Variants in NHEJ1 observed in about 807,000 individuals in gnomAD.
NHEJ1 encodes non-homologous end-joining factor 1.
NHEJ1 carries 22 observed loss-of-function variants against 39.4 expected under a neutral mutation model. The ratio of observed to expected loss-of-function variants is 0.56; its 90% CI spans 0.40 to 0.80. The LOEUF is 0.80. Among genes scored for constraint, NHEJ1 ranks in the 30% least tolerant of loss-of-function variants. The pLI, the probability that NHEJ1 is intolerant of heterozygous loss-of-function variation, is 0.00. For synonymous variants in NHEJ1, 154 were observed against 135.6 expected, an observed-to-expected ratio of 1.14 and a Z score of -0.94; for missense variants, 329 against 357.1, an observed-to-expected ratio of 0.92 and a Z score of 0.63.
chr2:219,073,528 G>A lies in NHEJ1; in HGVS notation c.*2853C>T, dbSNP rs1948983660. Among the ~76,000 whole-genome samples, 1 of 152,222 alleles carries A rather than the reference G, an allele frequency of 6.6e-6. No homozygotes were observed. The highest frequency in any genetic ancestry group is 2.4e-5 in the African/African-American group (1 of 41,474). On this transcript the variant is annotated 3_prime_UTR_variant, in exon 8 of 8. Transcript: ENST00000356853. ...CCAAGCAGGGAGCATGCCTGTCCTA[G>A]CTAACTATGGGGGACCAGCCGGCAA... is the stretch of plus-strand genomic sequence containing the variant.
intron 6 of NHEJ1, among the ~76,000 whole-genome samples, chr2:219,077,624 C>G (rs1421562164): frequency 6.6e-6 from 1 of 152,028 alleles, no homozygotes; most frequent in Non-Finnish European, 1.5e-5. Context: ...TACATATTCC[C>G]TCACATGTCT....
intron 5 of NHEJ1, among the ~76,000 whole-genome samples, chr2:219,140,495 G>A (rs1030259618): frequency 5.3e-5 from 8 of 152,212 alleles, no homozygotes; most frequent in Non-Finnish European, 8.8e-5. Context: ...GGTAGCAGCA[G>A]AGGTGAGATT....
At chr2:219,080,668 T>TATATATATGCTAATATATATAAGC (rs1559185964) in intron 5 of NHEJ1, among the ~76,000 whole-genome samples, 384 of 16,274 alleles carry the variant, frequency 0.024, 13 homozygotes, top group African/African-American at 0.047. Context: ...TATATAAGCT[T>TATATATATGCTAATATATATAAGC]TTATATATGC....
At position 219,073,037 on chromosome 2, in the gene NHEJ1, G is replaced by C. The variant is rs1216631972; in HGVS notation, c.*3344C>G. Among the ~76,000 whole-genome samples, 1 of 152,158 alleles carries C rather than the reference G, an allele frequency of 6.6e-6. No homozygotes were observed. The highest frequency in any genetic ancestry group is 2.4e-5 in the African/African-American group (1 of 41,444). On this transcript the variant is annotated 3_prime_UTR_variant, in exon 8 of 8. Coordinates refer to ENST00000356853, the MANE Select transcript of NHEJ1 (RefSeq NM_024782.3). ...GAGGTCTAAGTGAAAAGGAAGGAAA[G>C]AAAAGGGAGTCCAAATGTACCGCTG...
rs779815231 is a variant in NHEJ1, at chr2:219,072,512, AG to A, written c.*3868del. 5.3e-5 allele frequency among the ~76,000 whole-genome samples: 8 copies of A among 152,252 alleles called. No homozygotes were observed. Among genetic ancestry groups the A allele is most frequent in the Non-Finnish European group, 7.3e-5 (5 of 68,044 alleles). On this transcript the variant is annotated 3_prime_UTR_variant, in exon 8 of 8. Coordinates refer to ENST00000356853, the MANE Select transcript of NHEJ1 (RefSeq NM_024782.3). ...CAGAAACTACTTCACAGTAGAGCTT[AG>A]AAAAACATATCCTGATTGTATCAAA...
At chr2:219,102,216 T>C (rs1051246441) in intron 5 of NHEJ1, among the ~76,000 whole-genome samples, 1 of 152,198 alleles carries the variant, frequency 6.6e-6, no homozygotes, top group African/African-American at 2.4e-5. Context: ...TATTTGACAC[T>C]GCCAAAAAAA....
chr2:219,109,010 A>G (rs1407331015), intron 5 of NHEJ1, among the ~76,000 whole-genome samples: 1 of 152,228 alleles, frequency 6.6e-6, no homozygotes, highest in Non-Finnish European at 1.5e-5. Context: ...TTCAGAACAA[A>G]GGATTGGGAC....
intron 3 of NHEJ1, among the ~76,000 whole-genome samples, chr2:219,154,318 T>C (rs1008854510): frequency 6.6e-6 from 1 of 152,202 alleles, no homozygotes; most frequent in African/African-American, 2.4e-5. Flanking sequence ...ATATATACAG[T>C]ATATACATAT....
chr2:219,099,730 G>A (rs189526633), intron 5 of NHEJ1, among the ~76,000 whole-genome samples: 2 of 152,286 alleles, frequency 1.3e-5, no homozygotes, highest in Non-Finnish European at 2.9e-5. Context: ...AACAGCCACC[G>A]TGTGAGAGTG....
chr2:219,119,388 T>C (rs903836985), intron 5 of NHEJ1, among the ~76,000 whole-genome samples: 2 of 152,202 alleles, frequency 1.3e-5, no homozygotes, highest in African/African-American at 4.8e-5. Context: ...TCTGGATTGC[T>C]GGGATCCCCC....
chr2:219,093,906 A>G (rs1431637065), intron 5 of NHEJ1, among the ~76,000 whole-genome samples: 2 of 152,214 alleles, frequency 1.3e-5, no homozygotes, highest in Non-Finnish European at 2.9e-5. Flanking sequence ...TGTGGAGGAA[A>G]TCTCCAGCCT....
chr2:219,156,992 C>A (rs747149373), intron 3 of NHEJ1, among the ~76,000 whole-genome samples: 4 of 152,222 alleles, frequency 2.6e-5, no homozygotes, highest in African/African-American at 4.8e-5. Context: ...ACTTACACAT[C>A]TCTACATCTC....
intron 5 of NHEJ1, among the ~76,000 whole-genome samples, chr2:219,139,841 G>A (rs1049748027): frequency 3.9e-5 from 6 of 152,046 alleles, no homozygotes; most frequent in Admixed American, 6.5e-5. Flanking sequence ...CACCACACCC[G>A]GCTAATTTTT....
chr2:219,152,762 C>T lies in NHEJ1; in HGVS notation c.390+4710G>A, dbSNP rs188836195. ...GACTACAGGCATGAGCCATCATCCC[C>T]GGGATCTCTTTCATTTATTTATTTA... On this transcript the variant is annotated intron_variant, in intron 3 of 7. Transcript: ENST00000356853. Among the ~76,000 whole-genome samples the T allele has an allele frequency of 3.1e-3, 443 of 141,946 alleles. 1 individual carries two copies. The highest frequency in any genetic ancestry group is 4.7e-3 in the Non-Finnish European group (304 of 64,158). The allele number at this position is 141,946 out of a possible 152,430, so 93.1% of individuals were successfully genotyped here. A position where few individuals can be genotyped will look rare whatever the true frequency, so the allele number is the denominator to read the frequency against.
intron 5 of NHEJ1, among the ~76,000 whole-genome samples, chr2:219,133,927 A>T: frequency 6.6e-6 from 1 of 152,326 alleles, no homozygotes; most frequent in South Asian, 2.1e-4. Flanking sequence ...CTTCATCGGC[A>T]TAAGTTTTTC....
At chr2:219,157,991 TCACACACACACACA>T (rs58103413) in intron 2 of NHEJ1, among the ~76,000 whole-genome samples, 181 bp downstream of exon 2, 117 of 99,270 alleles carry the variant, frequency 1.2e-3, no homozygotes, top group African/African-American at 3.4e-3. Flanking sequence ...TCTCTCTCTC[TCACACACACACACA>T]CACACACACA....
chr2:219,077,975 T>C, intron 6 of NHEJ1, 114 bp downstream of exon 6: 1 of 779,496 alleles, frequency 1.3e-6, no homozygotes, highest in Non-Finnish European at 2.2e-6. Context: ...TATTTCATTT[T>C]TATTAATTTA....
At chr2:219,085,137 T>C (rs1307016166) in intron 5 of NHEJ1, among the ~76,000 whole-genome samples, 1 of 152,180 alleles carries the variant, frequency 6.6e-6, no homozygotes, top group Non-Finnish European at 1.5e-5. Context: ...TAGCTAACAG[T>C]CAAATGGTTT....
Position 219,076,103 on chromosome 2 carries a change from T to TTGCC in NHEJ1, c.*274_*277dup, listed in dbSNP as rs1464602067. The TTGCC allele has an allele frequency of 1.0e-5, 6 of 596,564 alleles. No individual in the cohort carries two copies. The highest frequency in any genetic ancestry group is 1.4e-5 in the Non-Finnish European group (5 of 347,826). 37.0% of individuals were successfully genotyped at this position (596,564 alleles called of 1,614,324 possible). A position where few individuals can be genotyped will look rare whatever the true frequency, so the allele number is the denominator to read the frequency against. On this transcript the variant is annotated 3_prime_UTR_variant, in exon 8 of 8. Coordinates refer to ENST00000356853, the MANE Select transcript of NHEJ1 (RefSeq NM_024782.3). ...GAGTGTGTGGTGCTTTCTTGCTGACTTGCCCTATATACCTAAAGTCCATGG... is the reference window on the plus strand; with the variant it reads ...GAGTGTGTGGTGCTTTCTTGCTGACTTGCCTGCCCTATATACCTAAAGTCCATGG...
Sources: allele counts gnomAD v4.1 joint callset (sites outside exome capture counted in the v4.1 genomes callset), GRCh38; gene constraint gnomAD v4.1.1; transcripts MANE v1.5; gene names NCBI Gene and HGNC (gene_info 2026-07-23, HGNC 2026-07-21).